MAFF: variants seen among roughly 807,000 people sequenced by gnomAD.
The protein encoded by MAFF is transcription factor MafF.
In MAFF, 4 loss-of-function variants were observed where a neutral mutation model predicts 2.7. The observed-to-expected ratio is 1.48, with a 90% CI of 0.73 to 3.39. The LOEUF is 3.39. MAFF is among the 30% of genes most tolerant of loss of function. The pLI is 0.01. For synonymous variants in MAFF, 113 were observed against 119.4 expected (o/e 0.95, Z 0.35); for missense variants, 190 against 246.6 (o/e 0.77, Z 1.54).
rs1416653980 is a variant in MAFF, at chr22:38,216,410, AATTT to A, written c.*1541_*1544del. On this transcript the variant is annotated 3_prime_UTR_variant, in exon 3 of 3. Coordinates refer to ENST00000338483, the MANE Select transcript of MAFF (RefSeq NM_012323.4). The stretch of plus-strand genomic sequence containing the variant: ...TTAAAAAATATTGCCCGGCTCCTAG[AATTT>A]ATTTATTTCCTGACTTACAGCAAGC... 3.0e-5 allele frequency: 5 copies of A among 167,092 alleles called. No individual in the cohort carries two copies. Among genetic ancestry groups the A allele is most frequent in the African/African-American group, 4.8e-5 (2 of 41,542 alleles). 10.4% of individuals were successfully genotyped at this position (167,092 alleles called of 1,614,324 possible).
chr22:38,210,621 G>GGGGTGTGTGTGT (rs1392182991), intron 1 of MAFF, among the ~76,000 whole-genome samples: 1 of 33,244 alleles, frequency 3.0e-5, no homozygotes. Flanking sequence ...AGGGACACAG[G>GGGGTGTGTGTGT]GAGTGTGTGT....
intron 1 of MAFF, among the ~76,000 whole-genome samples, chr22:38,207,423 C>CTTTTTTTTTTTTTTTTTTT (rs71195092): frequency 1.3e-5 from 1 of 78,298 alleles, no homozygotes; most frequent in Non-Finnish European, 2.3e-5. Flanking sequence ...GCTTGGCCAT[C>CTTTTTTTTTTTTTTTTTTT]TTTTTTTTTT....
rs1249458421 is a variant in MAFF, at chr22:38,213,880, A to T, written c.27A>T (p.Lys9Asn). 1 of 1,614,184 alleles carries T rather than the reference A, an allele frequency of 6.2e-7. No homozygotes were observed. Among genetic ancestry groups the T allele is most frequent in the South Asian group, 1.1e-5 (1 of 91,084 alleles). The change falls in exon 2 of 3, where the codon AAA becomes AAT. Residue 9 changes from lysine (K) to asparagine (N), a missense_variant. Lys to Asn is a moderately conservative substitution (Grantham distance 94, BLOSUM62 0). Around this residue, in one of 2 missense-constraint regions of MAFF, gnomAD observed 87 missense variants for 143.6 expected, o/e 0.61. Transcript: ENST00000338483. MSVDPLSS[K>N]ALKIKRELSE... ...TGTCTGTGGATCCCCTATCCAGCAAAGCTCTAAAGGTGAGGAGGCAGCCTC... is the reference window on the plus strand; with the variant it reads ...TGTCTGTGGATCCCCTATCCAGCAATGCTCTAAAGGTGAGGAGGCAGCCTC...
At chr22:38,213,276 A>G (rs2091116147) in intron 1 of MAFF, among the ~76,000 whole-genome samples, 1 of 151,746 alleles carries the variant, frequency 6.6e-6, no homozygotes, top group Admixed American at 6.6e-5. Flanking sequence ...ATGTGGAAGA[A>G]TGGTCAGGAG....
intron 1 of MAFF, among the ~76,000 whole-genome samples, chr22:38,206,352 T>G (rs1457211032): frequency 1.3e-5 from 2 of 149,120 alleles, no homozygotes; most frequent in Admixed American, 6.6e-5. Context: ...TTTTTTTTTT[T>G]TTTTTTTTTG....
In MAFF at chr22:38,211,230, C is replaced by CT. The variant is rs61328776; in HGVS notation, c.-31-2577dup. 2.1e-3 allele frequency among the ~76,000 whole-genome samples: 294 copies of CT among 139,958 alleles called. 3 individuals are homozygous for CT. The highest frequency in any genetic ancestry group is 4.5e-3 in the African/African-American group (169 of 37,374). The allele number at this position is 139,958 out of a possible 152,430, so 91.8% of individuals were successfully genotyped here. On this transcript the variant is annotated intron_variant, in intron 1 of 2. Transcript: ENST00000338483. ...GAGAAGGGATGCTGGGGAGCACTTT[C>CT]TTTTTTTTTTTTTTTTCAGACGGAG... is the stretch of plus-strand genomic sequence containing the variant.
intron 1 of MAFF, among the ~76,000 whole-genome samples, chr22:38,206,243 C>T (rs1294314692): frequency 6.6e-6 from 1 of 152,024 alleles, no homozygotes; most frequent in East Asian, 1.9e-4. Context: ...TGGCCTGCCT[C>T]ACTGGGAATT....
Position 38,202,813 on chromosome 22 carries a change from C to A in MAFF, c.-32+601C>A, listed in dbSNP as rs1428038499. 1 of 152,106 alleles carries A rather than the reference C, an allele frequency of 6.6e-6. No individual in the cohort carries two copies. The highest frequency in any genetic ancestry group is 1.5e-5 in the Non-Finnish European group (1 of 68,060). The allele number at this position is 152,106 out of a possible 1,614,324, so 9.4% of individuals were successfully genotyped here. A position where few individuals can be genotyped will look rare whatever the true frequency, so the allele number is the denominator to read the frequency against. On this transcript the variant is annotated intron_variant, in intron 1 of 2. Coordinates refer to ENST00000338483, the MANE Select transcript of MAFF (RefSeq NM_012323.4). This position sits in a 1 kb window ranked among gnomAD's most constrained non-coding sequence, Gnocchi z 7.4. ...ACCGGAGTAAACGCGGAACAAGGACCCGAGCGAAGGAAGCGGACCCGTGCG... is the reference window on the plus strand; with the variant it reads ...ACCGGAGTAAACGCGGAACAAGGACACGAGCGAAGGAAGCGGACCCGTGCG...
intron 1 of MAFF, among the ~76,000 whole-genome samples, chr22:38,204,972 T>A (rs1602330442): frequency 6.6e-6 from 1 of 151,952 alleles, no homozygotes; most frequent in African/African-American, 2.4e-5. Context: ...AAGAGGCTGG[T>A]GAGCAGGCGG....
At chr22:38,203,367 G>C (rs2091028915) in intron 1 of MAFF, 1 of 152,328 alleles carries the variant, frequency 6.6e-6, no homozygotes, top group South Asian at 2.1e-4. Flanking sequence ...GGTGAGACTA[G>C]ACTGACCTAC....
At position 38,213,903 on chromosome 22, in the gene MAFF, C is replaced by T; in HGVS notation, c.36+14C>T. Reference sequence around the variant, plus strand: ...AAAGCTCTAAAGGTGAGGAGGCAGCCTCTGTCAACCCAGTGAAGCCCTCCC... The same window carrying T: ...AAAGCTCTAAAGGTGAGGAGGCAGCTTCTGTCAACCCAGTGAAGCCCTCCC... On this transcript the variant is annotated intron_variant, in intron 2 of 2. Transcript: ENST00000338483. The T allele has an allele frequency of 6.2e-7, 1 of 1,614,084 alleles. No homozygotes were observed. Among genetic ancestry groups the T allele is most frequent in the East Asian group, 2.2e-5 (1 of 44,886 alleles).
At chr22:38,209,743 G>A (rs1327202069) in intron 1 of MAFF, among the ~76,000 whole-genome samples, 1 of 150,916 alleles carries the variant, frequency 6.6e-6, no homozygotes, top group African/African-American at 2.4e-5. Context: ...GAACCCAGGA[G>A]GCGGAGGTTG....
chr22:38,212,307 CCTTT>C (rs2091107333), intron 1 of MAFF, among the ~76,000 whole-genome samples: 1 of 152,196 alleles, frequency 6.6e-6, no homozygotes, highest in Admixed American at 6.5e-5. Context: ...AGCCTATCTT[CCTTT>C]ATTTTCCTTG....
chr22:38,208,823 A>C (rs2091073609), intron 1 of MAFF, among the ~76,000 whole-genome samples: 2 of 152,234 alleles, frequency 1.3e-5, no homozygotes, highest in Admixed American at 1.3e-4. Context: ...TCTGCCAAAC[A>C]AAGTAGAGGG....
At chr22:38,213,603 A>T (rs774682111) in intron 1 of MAFF, 4 of 648,918 alleles carry the variant, frequency 6.2e-6, no homozygotes, top group Non-Finnish European at 1.1e-5. Context: ...AGGAGTCACC[A>T]TGGGGCTAGA....
intron 1 of MAFF, among the ~76,000 whole-genome samples, chr22:38,204,699 C>T (rs189097385): frequency 3.3e-5 from 5 of 152,286 alleles, no homozygotes; most frequent in East Asian, 1.9e-4. Context: ...ATGCACTGCC[C>T]GCTTGTCCCT....
rs939428375 is a variant in MAFF, at chr22:38,215,583, G to C, written c.*705G>C. The C allele has an allele frequency of 6.0e-6, 1 of 167,494 alleles. No homozygotes were observed. The highest frequency in any genetic ancestry group is 2.4e-5 in the African/African-American group (1 of 41,460). 10.4% of individuals were successfully genotyped at this position (167,494 alleles called of 1,614,324 possible). ...TTGGGAGACCGCTCTCTGCAAGGGAGGGGGAGAGAAGCAGAGGGAGAGAGA... is the reference window on the plus strand; with the variant it reads ...TTGGGAGACCGCTCTCTGCAAGGGACGGGGAGAGAAGCAGAGGGAGAGAGA... On this transcript the variant is annotated 3_prime_UTR_variant, in exon 3 of 3. Coordinates refer to ENST00000338483, the MANE Select transcript of MAFF (RefSeq NM_012323.4).
chr22:38,210,382 TC>T (rs567504228), intron 1 of MAFF, among the ~76,000 whole-genome samples: 37 of 152,206 alleles, frequency 2.4e-4, no homozygotes, highest in African/African-American at 8.9e-4. Context: ...CCCTGGACTG[TC>T]CCCACCTTGG....
chr22:38,212,777 C>A (rs1024801107), intron 1 of MAFF, among the ~76,000 whole-genome samples: 5 of 152,016 alleles, frequency 3.3e-5, no homozygotes, highest in African/African-American at 9.7e-5. Flanking sequence ...GATGTTGTAT[C>A]TTACGGGGTG....
Sources: gnomAD v4.1 joint callset for allele counts (sites outside exome capture counted in the v4.1 genomes callset) on GRCh38, gnomAD v4.1.1 for gene constraint, gnomAD v4.1.1 regional missense constraint, Gnocchi (gnomAD v3.1) non-coding constraint, MANE v1.5 for transcripts, NCBI Gene and HGNC (gene_info 2026-07-23, HGNC 2026-07-21) for gene names.